Variants in VWA5B1 observed in about 807,000 individuals in gnomAD.
The protein encoded by VWA5B1 is von Willebrand factor A domain-containing protein 5B1.
In VWA5B1, 115 loss-of-function variants were observed where a neutral mutation model predicts 118.2. The observed-to-expected ratio is 0.97, with a 90% CI of 0.84 to 1.14. The LOEUF is 1.14. VWA5B1 is among the 50% of genes most tolerant of loss of function. The probability of loss-of-function intolerance (pLI) is 0.00; values close to 1 mark genes in which losing one functional copy is unlikely to be tolerated. For synonymous variants in VWA5B1, 682 were observed against 658.4 expected, an observed-to-expected ratio of 1.04 and a Z score of -0.55; for missense variants, 1,596 against 1,603.8, an observed-to-expected ratio of 1.00 and a Z score of 0.08.
intron 7 of VWA5B1, chr1:20,323,151 G>C: frequency 2.5e-6 from 1 of 401,796 alleles, no homozygotes; most frequent in Non-Finnish European, 4.3e-6. Flanking sequence ...TCAAACCCAA[G>C]TCTTTCTGTC....
In VWA5B1 at chr1:20,317,630, G is replaced by A. The variant is rs1297531449; in HGVS notation, c.664G>A (p.Glu222Lys). ...NTEVSNPMEY[E>K]FNFQLEIRGP... Reference sequence around the variant, plus strand: ...CGAAGTGTCCAACCCCATGGAGTATGAGTTCAACTTCCAGCTGGAGATCCG... The same window carrying A: ...CGAAGTGTCCAACCCCATGGAGTATAAGTTCAACTTCCAGCTGGAGATCCG... The change falls in exon 5 of 22, where the codon GAG becomes AAG. Residue 222 changes from glutamate (E) to lysine (K), a missense_variant. Physicochemically the swap from Glu to Lys is moderately conservative, Grantham distance 56. Transcript: ENST00000289815. 2 of 1,551,640 alleles carry A rather than the reference G, an allele frequency of 1.3e-6. No individual in the cohort carries two copies. The highest frequency in any genetic ancestry group is 1.7e-6 in the Non-Finnish European group (2 of 1,146,974).
At chr1:20,313,715 G>A (rs965621248) in intron 3 of VWA5B1, among the ~76,000 whole-genome samples, 35 of 152,222 alleles carry the variant, frequency 2.3e-4, no homozygotes, top group Admixed American at 2.1e-3. Flanking sequence ...AATGTTCGGT[G>A]AGCACTCATC....
chr1:20,293,492 T>C (rs1292514626), intron 1 of VWA5B1, among the ~76,000 whole-genome samples: 1 of 152,220 alleles, frequency 6.6e-6, no homozygotes, highest in Non-Finnish European at 1.5e-5. Context: ...TACCTGGGTT[T>C]CTCTCAGTAC....
At chr1:20,345,116 T>G (rs1338130927) in intron 16 of VWA5B1, among the ~76,000 whole-genome samples, 1 of 152,250 alleles carries the variant, frequency 6.6e-6, no homozygotes, top group East Asian at 1.9e-4. Flanking sequence ...ATTAGACATC[T>G]GCAAAATTAA....
intron 1 of VWA5B1, among the ~76,000 whole-genome samples, chr1:20,295,737 T>C (rs35369628): frequency 0.034 from 5,155 of 152,160 alleles, 150 homozygotes; most frequent in Non-Finnish European, 0.052. Context: ...AATGTGGCCA[T>C]TGAGGGAGTG....
At chr1:20,296,189 C>T (rs1205614576) in intron 1 of VWA5B1, among the ~76,000 whole-genome samples, 2 of 152,150 alleles carry the variant, frequency 1.3e-5, no homozygotes, top group Non-Finnish European at 2.9e-5. Context: ...TAAAATGTCA[C>T]CCTAATAGAG....
intron 18 of VWA5B1, chr1:20,349,022 T>G (rs2090068242): frequency 3.7e-6 from 1 of 270,756 alleles, no homozygotes. Flanking sequence ...CCTTTTGCTG[T>G]GCAGGAGGAA....
chr1:20,311,949 T>C (rs577292101), intron 2 of VWA5B1, among the ~76,000 whole-genome samples: 1 of 152,216 alleles, frequency 6.6e-6, no homozygotes, highest in Non-Finnish European at 1.5e-5. Context: ...CCAAATAACT[T>C]CCAGCAGCCC....
Position 20,332,824 on chromosome 1 carries a change from G to C in VWA5B1, c.1631G>C (p.Trp544Ser). 1 of 1,551,794 alleles carries C rather than the reference G, an allele frequency of 6.4e-7. No individual in the cohort carries two copies. The change falls in exon 12 of 22, where the codon TGG becomes TCG. Residue 544 changes from tryptophan (W) to serine (S), a missense_variant. Coordinates refer to ENST00000289815, the MANE Select transcript of VWA5B1 (RefSeq NM_001039500.3). The stretch of plus-strand genomic sequence containing the variant: ...GTCCTGAGCGATGTGACTGTGGAGT[G>C]GATCTTCCCTGAGACCACTGAGGTC... ...APVLSDVTVE[W>S]IFPETTEVLV...
At chr1:20,336,232 C>T (rs926096667) in intron 12 of VWA5B1, 71 bp from the exon 13 acceptor site, 4 of 1,270,628 alleles carry the variant, frequency 3.1e-6, no homozygotes, top group Non-Finnish European at 2.0e-6. Flanking sequence ...GCTCACACCC[C>T]TTGCTCCCTG....
chr1:20,330,273 C>T lies in VWA5B1; in HGVS notation c.1348C>T (p.Gln450Ter), dbSNP rs61746771. The stretch of plus-strand genomic sequence containing the variant: ...TTCCCCTCTCAAGTGGGTCATCAGG[C>T]AGCCAGTGCACCGAGGCCACCCGCG... ...ILSPLKWVIR[Q>*]PVHRGHPRLL... Residue 450 changes from glutamine (Q) to a stop codon, truncating the protein, a stop_gained, in exon 10 of 22, where the codon CAG becomes TAG. Coordinates refer to ENST00000289815, the MANE Select transcript of VWA5B1 (RefSeq NM_001039500.3). LOFTEE classifies it high-confidence loss of function. The T allele has an allele frequency of 9.8e-4, 1,519 of 1,551,794 alleles. 18 individuals are homozygous for T. In the African/African-American group the frequency reaches 0.017, roughly 18 times the overall value.
At chr1:20,312,307 C>G (rs899543642) in intron 2 of VWA5B1, among the ~76,000 whole-genome samples, 1 of 152,156 alleles carries the variant, frequency 6.6e-6, no homozygotes, top group African/African-American at 2.4e-5. Context: ...ATAAATGATG[C>G]CTATTTTTTC....
At chr1:20,350,124 G>A in intron 18 of VWA5B1, 32 bp from the exon 19 acceptor site, 1 of 1,546,158 alleles carries the variant, frequency 6.5e-7, no homozygotes, top group South Asian at 1.2e-5. Flanking sequence ...AGGGAGGGGA[G>A]AGGTCCAGCC....
chr1:20,342,687 C>A, intron 15 of VWA5B1, 78 bp downstream of exon 15: 1 of 1,424,422 alleles, frequency 7.0e-7, no homozygotes, highest in Non-Finnish European at 9.3e-7. Context: ...AGATGACAGG[C>A]CCAGAGGGCA....
chr1:20,343,312 G>A lies in VWA5B1; in HGVS notation c.2545G>A (p.Glu849Lys), dbSNP rs1448489034. The change falls in exon 16 of 22, where the codon GAG becomes AAG. Residue 849 changes from glutamate (E) to lysine (K), a missense_variant. Transcript: ENST00000289815. Reference sequence around the variant, plus strand: ...CGCGCAGGATGCCGACCTATGGAGCGAGACCTTCCACCACCTGGCGGCCCG... The same window carrying A: ...CGCGCAGGATGCCGACCTATGGAGCAAGACCTTCCACCACCTGGCGGCCCG... The part of the protein sequence containing the change: ...GGAQDADLWS[E>K]TFHHLAARAI... The A allele has an allele frequency of 6.5e-7, 1 of 1,545,930 alleles. No individual in the cohort carries two copies. The highest frequency in any genetic ancestry group is 2.4e-5 in the East Asian group (1 of 40,876).
intron 1 of VWA5B1, among the ~76,000 whole-genome samples, chr1:20,302,770 A>G (rs2088534043): frequency 6.6e-6 from 1 of 152,032 alleles, no homozygotes; most frequent in Non-Finnish European, 1.5e-5. Context: ...GTGGCATTGA[A>G]GCTGGCCTTG....
Position 20,343,375 on chromosome 1 carries a change from G to C in VWA5B1, c.2608G>C (p.Glu870Gln). 1 of 1,534,214 alleles carries C rather than the reference G, an allele frequency of 6.5e-7. No individual in the cohort carries two copies. The highest frequency in any genetic ancestry group is 8.8e-7 in the Non-Finnish European group (1 of 1,142,696). The change falls in exon 16 of 22, where the codon GAG becomes CAG. Residue 870 changes from glutamate to glutamine, a missense_variant. Physicochemically the swap from Glu to Gln is conservative, Grantham distance 29 (BLOSUM62 2). Transcript: ENST00000289815. ...IRDFEQLAER[E>Q]GEIEQGSNRR... ...CGACTTCGAGCAGCTGGCGGAGCGCGAGGGCGAGATCGAGCAGGGTGAGCG... is the reference window on the plus strand; with the variant it reads ...CGACTTCGAGCAGCTGGCGGAGCGCCAGGGCGAGATCGAGCAGGGTGAGCG...
chr1:20,314,614 C>A, intron 4 of VWA5B1, 22 bp downstream of exon 4: 1 of 1,546,372 alleles, frequency 6.5e-7, no homozygotes, highest in Non-Finnish European at 8.7e-7. Flanking sequence ...CTGCCCAGAC[C>A]AATCAGAGTC....
At chr1:20,310,395 C>T (rs2088810916) in intron 1 of VWA5B1, among the ~76,000 whole-genome samples, 181 bp from the exon 2 acceptor site, 2 of 152,194 alleles carry the variant, frequency 1.3e-5, no homozygotes, top group Non-Finnish European at 2.9e-5. Context: ...ACGGCCACTT[C>T]TCTTCTCAGG....
Sources: allele counts gnomAD v4.1 joint callset (sites outside exome capture counted in the v4.1 genomes callset), GRCh38; gene constraint gnomAD v4.1.1; transcripts MANE v1.5; gene names NCBI Gene and HGNC (gene_info 2026-07-23, HGNC 2026-07-21).